Variants in NTAQ1 observed in about 807,000 individuals in gnomAD.
NTAQ1 encodes N-terminal glutamine amidase 1.
Under a neutral mutation model 28.2 loss-of-function variants are expected in NTAQ1, and 21 were observed. The ratio of observed to expected loss-of-function variants is 0.74; its 90% CI spans 0.53 to 1.07. The LOEUF (loss-of-function observed/expected upper bound fraction) is 1.07. NTAQ1 is among the 50% of genes least tolerant of loss of function. NTAQ1 has a pLI of 0.00. For synonymous variants in NTAQ1, 105 were observed against 90.0 expected (o/e 1.17, Z -0.94); for missense variants, 264 against 256.6 (o/e 1.03, Z -0.20).
In NTAQ1 at chr8:123,467,504, ATAAT is replaced by A. The variant is rs1313416718; in HGVS notation, c.*356_*359del. 9.8e-5 allele frequency among the ~76,000 whole-genome samples: 15 copies of A among 152,372 alleles called. No individual in the cohort carries two copies. In the South Asian group the frequency reaches 1.2e-3, roughly 13 times the overall value. On this transcript the variant is annotated 3_prime_UTR_variant, in exon 7 of 7. Transcript: ENST00000650311. Reference sequence around the variant, plus strand: ...ATAATTTTTAAAGTGTTTTCATAAAATAATTCTTGCATTAAGTGTTTTATCAATG... The same window carrying A: ...ATAATTTTTAAAGTGTTTTCATAAAATCTTGCATTAAGTGTTTTATCAATG...
intron 1 of NTAQ1, among the ~76,000 whole-genome samples, chr8:123,418,859 C>T (rs1195254170): frequency 6.6e-6 from 1 of 152,120 alleles, no homozygotes; most frequent in Admixed American, 6.5e-5. Context: ...TGGAGGCTGT[C>T]CTGTGTATTG....
chr8:123,428,960 A>G (rs1814235353), intron 2 of NTAQ1, among the ~76,000 whole-genome samples: 1 of 152,270 alleles, frequency 6.6e-6, no homozygotes, highest in African/African-American at 2.4e-5. Context: ...AAAATTGCTT[A>G]GAGACGCATA....
At chr8:123,419,024 C>G (rs890282508) in intron 1 of NTAQ1, among the ~76,000 whole-genome samples, 3 of 151,220 alleles carry the variant, frequency 2.0e-5, no homozygotes, top group African/African-American at 7.3e-5. Flanking sequence ...GTGCTCTACC[C>G]TGTCTGAACA....
At chr8:123,473,586 C>T (rs934861795), downstream of NTAQ1, among the ~76,000 whole-genome samples, 5 of 152,150 alleles carry the variant, frequency 3.3e-5, no homozygotes, top group African/African-American at 7.2e-5. Flanking sequence ...CCACCATGCC[C>T]GGCCTGTATT....
At chr8:123,430,065 A>G (rs759024659) in intron 3 of NTAQ1, 32 bp downstream of exon 3, 19 of 1,582,590 alleles carry the variant, frequency 1.2e-5, no homozygotes, top group Admixed American at 1.7e-5. Context: ...GTATTGACGC[A>G]TTATGACTTG....
intron 6 of NTAQ1, among the ~76,000 whole-genome samples, chr8:123,462,077 G>T (rs780305042): frequency 5.9e-5 from 9 of 151,970 alleles, no homozygotes. Flanking sequence ...AGACAGTCTC[G>T]CTGTGTCACC....
chr8:123,459,049 G>A (rs1194974845), intron 6 of NTAQ1, among the ~76,000 whole-genome samples: 2 of 151,990 alleles, frequency 1.3e-5, no homozygotes, highest in African/African-American at 4.8e-5. Flanking sequence ...CTGCACTCCA[G>A]CCTGGCAACA....
At chr8:123,425,223 C>G (rs944128991) in intron 1 of NTAQ1, among the ~76,000 whole-genome samples, 1 of 152,056 alleles carries the variant, frequency 6.6e-6, no homozygotes, top group East Asian at 1.9e-4. Flanking sequence ...TCCCGAGTAG[C>G]TGGGATTACA....
intron 6 of NTAQ1, among the ~76,000 whole-genome samples, chr8:123,456,017 T>C (rs2130398634): frequency 6.6e-6 from 1 of 152,236 alleles, no homozygotes. Flanking sequence ...GGTGGGGGAA[T>C]ATTGACTTTC....
chr8:123,423,406 C>A lies in NTAQ1; in HGVS notation c.84-4518C>A, dbSNP rs1028837299. Among the ~76,000 whole-genome samples, 14 of 149,552 alleles carry A rather than the reference C, an allele frequency of 9.4e-5. No homozygotes were observed. The South Asian group carries it at 2.4e-3, about 26-fold the overall frequency. ...CCCTTTCCCTCCTTTTCCTTCCTTTCCCTCCTTTTCCTTCTCTTCTGTTTC... is the reference window on the plus strand; with the variant it reads ...CCCTTTCCCTCCTTTTCCTTCCTTTACCTCCTTTTCCTTCTCTTCTGTTTC... On this transcript the variant is annotated intron_variant, in intron 1 of 5. Coordinates refer to ENST00000287387, the MANE Select transcript of NTAQ1 (RefSeq NM_018024.3).
chr8:123,474,680 G>A (rs1025010132), downstream of NTAQ1, among the ~76,000 whole-genome samples: 14 of 152,124 alleles, frequency 9.2e-5, no homozygotes, highest in Non-Finnish European at 2.9e-5. Flanking sequence ...CAAGGTGGGC[G>A]GATCACTTGA....
chr8:123,416,784 C>A lies in NTAQ1; in HGVS notation c.-66C>A. 1 of 1,456,284 alleles carries A rather than the reference C, an allele frequency of 6.9e-7. No individual in the cohort carries two copies. Among genetic ancestry groups the A allele is most frequent in the South Asian group, 1.3e-5 (1 of 75,582 alleles). The allele number at this position is 1,456,284 out of a possible 1,614,324, so 90.2% of individuals were successfully genotyped here. Reference sequence around the variant, plus strand: ...GAACCCACGCGGGCCACTACAAGCCCGCCCTTTCCTACGTCTGGTCCAGTC... The same window carrying A: ...GAACCCACGCGGGCCACTACAAGCCAGCCCTTTCCTACGTCTGGTCCAGTC... On this transcript the variant is annotated 5_prime_UTR_variant, in exon 1 of 6. Transcript: ENST00000287387.
chr8:123,429,059 A>C (rs1164441884), intron 2 of NTAQ1, among the ~76,000 whole-genome samples: 1 of 152,240 alleles, frequency 6.6e-6, no homozygotes. Context: ...TAAGCCCTTC[A>C]TATTTTGTAA....
downstream of NTAQ1, among the ~76,000 whole-genome samples, chr8:123,472,280 A>T (rs1816049615): frequency 2.0e-5 from 3 of 152,178 alleles, no homozygotes; most frequent in Admixed American, 6.5e-5. Flanking sequence ...GAAATGGCTC[A>T]TGGGTTATTA....
downstream of NTAQ1, among the ~76,000 whole-genome samples, chr8:123,443,438 C>T (rs191475392): frequency 6.6e-6 from 1 of 152,344 alleles, no homozygotes; most frequent in East Asian, 1.9e-4. Context: ...GTAACACTAC[C>T]GCTTCAATAA....
intron 6 of NTAQ1, among the ~76,000 whole-genome samples, chr8:123,457,073 A>G (rs1053838945): frequency 1.3e-5 from 2 of 152,258 alleles, no homozygotes; most frequent in Admixed American, 6.5e-5. Context: ...ACATATAGAT[A>G]TATATATTTT....
At chr8:123,457,966 G>A (rs1018580735) in intron 6 of NTAQ1, among the ~76,000 whole-genome samples, 12 of 150,770 alleles carry the variant, frequency 8.0e-5, no homozygotes, top group African/African-American at 2.7e-4. Flanking sequence ...CCCGGGAGGT[G>A]GAGGTTGCAG....
chr8:123,451,655 A>G (rs1426691067), downstream of NTAQ1, among the ~76,000 whole-genome samples: 1 of 151,772 alleles, frequency 6.6e-6, no homozygotes, highest in Non-Finnish European at 1.5e-5. Context: ...TCTGTTTTCT[A>G]TCTCCCTCCA....
downstream of NTAQ1, among the ~76,000 whole-genome samples, chr8:123,451,203 C>T (rs1355337202): frequency 1.3e-5 from 2 of 152,202 alleles, no homozygotes; most frequent in East Asian, 3.8e-4. Context: ...GAGGTCTGAG[C>T]TCCGAGTCTG....
Sources: gnomAD v4.1 joint callset for allele counts (sites outside exome capture counted in the v4.1 genomes callset) on GRCh38, gnomAD v4.1.1 for gene constraint, MANE v1.5 for transcripts, NCBI Gene and HGNC (gene_info 2026-07-23, HGNC 2026-07-21) for gene names.